STEAP3: variants seen among roughly 807,000 people sequenced by gnomAD.
The protein encoded by STEAP3 is STEAP3 metalloreductase.
STEAP3 carries 35 observed loss-of-function variants against 34.9 expected under a neutral mutation model. That is an observed-to-expected ratio of 1.00 (90% CI 0.76 to 1.33). The LOEUF is 1.33. Among genes scored for constraint, STEAP3 ranks in the 40% most tolerant of loss-of-function variants. The pLI, the probability that STEAP3 is intolerant of heterozygous loss-of-function variation, is 0.00. For synonymous variants in STEAP3, 281 were observed against 301.6 expected, an observed-to-expected ratio of 0.93 and a Z score of 0.71; for missense variants, 652 against 667.6, an observed-to-expected ratio of 0.98 and a Z score of 0.26.
intron 4 of STEAP3, 41 bp from the exon 5 acceptor site, chr2:119,254,643 C>A: frequency 4.3e-6 from 7 of 1,610,626 alleles, no homozygotes; most frequent in Non-Finnish European, 5.9e-6. Context: ...GGGCACCAGC[C>A]TTTGCCACAG....
chr2:119,264,809 C>T lies in STEAP3; in HGVS notation c.*1471C>T, dbSNP rs6753006. On this transcript the variant is annotated 3_prime_UTR_variant, in exon 6 of 6. Coordinates refer to ENST00000393110, the MANE Select transcript of STEAP3 (RefSeq NM_182915.3). ...CACAGATGAGGCTGCCCCTGCCCCC[C>T]CCCCGCCAGGGAGGTTTCATGAGCT... The T allele has an allele frequency of 0.42, 54,357 of 128,982 alleles. 10,755 individuals carry two copies. Among genetic ancestry groups the T allele is most frequent in the East Asian group, 0.59 (1,804 of 3,044 alleles). The allele number at this position is 128,982 out of a possible 1,614,324, so 8.0% of individuals were successfully genotyped here. A position where few individuals can be genotyped will look rare whatever the true frequency, so the allele number is the denominator to read the frequency against.
chr2:119,234,267 C>A (rs918605285), intron 2 of STEAP3, among the ~76,000 whole-genome samples: 6 of 152,324 alleles, frequency 3.9e-5, no homozygotes, highest in Middle Eastern at 3.4e-3. Flanking sequence ...GGGGTGGGGG[C>A]AGCCACAGCC....
chr2:119,245,826 C>T lies in STEAP3; in HGVS notation c.360C>T (p.Ile120=), dbSNP rs756536421. The part of the protein sequence containing the change: ...CSLSDQLAGK[I]LVDVSNPTEQ... ...TCAGTGACCAGCTGGCGGGCAAGAT[C>T]CTGGTGGATGTGAGCAACCCTACAG... The change falls in exon 3 of 6, where the codon ATC becomes ATT. Residue 120 remains isoleucine, a synonymous_variant. Coordinates refer to ENST00000393110, the MANE Select transcript of STEAP3 (RefSeq NM_182915.3). 1 of 1,614,170 alleles carries T rather than the reference C, an allele frequency of 6.2e-7. No homozygotes were observed.
At chr2:119,243,110 C>G (rs1677299872) in intron 2 of STEAP3, among the ~76,000 whole-genome samples, 1 of 152,198 alleles carries the variant, frequency 6.6e-6, no homozygotes, top group Non-Finnish European at 1.5e-5. Flanking sequence ...AAGCATGATC[C>G]CCACAAAAGC....
chr2:119,264,286 T>G lies in STEAP3; in HGVS notation c.*948T>G, dbSNP rs1465090065. On this transcript the variant is annotated 3_prime_UTR_variant, in exon 6 of 6. Coordinates refer to ENST00000393110, the MANE Select transcript of STEAP3 (RefSeq NM_182915.3). ...GAGCAAGAGAAAACACTCTAGGGAG[T>G]AAAGCTCCCCGGGCGTCAGAGTTGA... is the stretch of plus-strand genomic sequence containing the variant. 2 of 152,146 alleles carry G rather than the reference T, an allele frequency of 1.3e-5. No homozygotes were observed. Among genetic ancestry groups the G allele is most frequent in the African/African-American group, 4.8e-5 (2 of 41,246 alleles). 9.4% of individuals were successfully genotyped at this position (152,146 alleles called of 1,614,324 possible).
At chr2:119,249,269 AC>A (rs149601953) in intron 4 of STEAP3, among the ~76,000 whole-genome samples, 7,777 of 152,166 alleles carry the variant, frequency 0.051, 290 homozygotes, top group Non-Finnish European at 0.081. Context: ...TTCAGGCCAC[AC>A]CAGGTGGGGA....
chr2:119,249,630 C>A (rs1573567339), intron 4 of STEAP3, among the ~76,000 whole-genome samples: 1 of 152,128 alleles, frequency 6.6e-6, no homozygotes, highest in Non-Finnish European at 1.5e-5. Flanking sequence ...TAGCACAGGG[C>A]CATCCCCTCC....
chr2:119,260,215 C>T (rs1322744286), intron 5 of STEAP3, among the ~76,000 whole-genome samples: 1 of 152,104 alleles, frequency 6.6e-6, no homozygotes, highest in Non-Finnish European at 1.5e-5. Flanking sequence ...ACCAATAAGT[C>T]CACAATGAGG....
chr2:119,244,779 T>C (rs1364386741), intron 2 of STEAP3: 1 of 152,198 alleles, frequency 6.6e-6, no homozygotes, highest in South Asian at 2.1e-4. Flanking sequence ...ACTCATATCT[T>C]GGGCTCAGCA....
At chr2:119,232,395 G>A (rs1676969644) in intron 2 of STEAP3, among the ~76,000 whole-genome samples, 1 of 152,190 alleles carries the variant, frequency 6.6e-6, no homozygotes, top group African/African-American at 2.4e-5. Flanking sequence ...CACATCCACA[G>A]GCACGATCCC....
intron 4 of STEAP3, among the ~76,000 whole-genome samples, chr2:119,254,285 A>G (rs1394270339): frequency 6.6e-6 from 1 of 151,902 alleles, no homozygotes; most frequent in Non-Finnish European, 1.5e-5. Context: ...TAAGGGCTGT[A>G]TTTCTGGTTG....
chr2:119,228,734 T>C (rs1277514401), intron 1 of STEAP3, among the ~76,000 whole-genome samples: 1 of 152,072 alleles, frequency 6.6e-6, no homozygotes, highest in Admixed American at 6.5e-5. Flanking sequence ...TGGTGTGAGT[T>C]CCATTGGGGC....
At position 119,248,016 on chromosome 2, in the gene STEAP3, C is replaced by A. The variant is rs140581945; in HGVS notation, c.860C>A (p.Ala287Glu). The A allele has an allele frequency of 1.9e-6, 3 of 1,610,650 alleles. No homozygotes were observed. The highest frequency in any genetic ancestry group is 2.5e-6 in the Non-Finnish European group (3 of 1,179,868). The part of the protein sequence containing the change: ...LSLVYLPGVL[A>E]AALQLRRGTK... Reference sequence around the variant, plus strand: ...CTCGTGTACTTGCCCGGCGTGCTGGCGGCTGCCCTGCAGCTGCGGCGCGGC... The same window carrying A: ...CTCGTGTACTTGCCCGGCGTGCTGGAGGCTGCCCTGCAGCTGCGGCGCGGC... Residue 287 changes from alanine to glutamate, a missense_variant, in exon 4 of 6, where the codon GCG (alanine) becomes GAG (glutamate). Ala to Glu is a moderately radical substitution (Grantham distance 107). Transcript: ENST00000393110.
In STEAP3 at chr2:119,225,147, A is replaced by G. The variant is rs1368075523; in HGVS notation, c.-394+1259A>G. Among the ~76,000 whole-genome samples the G allele has an allele frequency of 2.0e-5, 3 of 152,160 alleles. 1 individual carries two copies. The highest frequency in any genetic ancestry group is 4.4e-5 in the Non-Finnish European group (3 of 68,028). ...CCTGCAAGGCTTGTTAAAAATATAG[A>G]TCCCCAAGTCCCATCCGAAGCTGAC... is the stretch of plus-strand genomic sequence containing the variant. On this transcript the variant is annotated intron_variant, in intron 1 of 5. Coordinates refer to ENST00000393110, the MANE Select transcript of STEAP3 (RefSeq NM_182915.3).
At chr2:119,230,125 G>C (rs1460679900) in intron 1 of STEAP3, among the ~76,000 whole-genome samples, 2 of 152,192 alleles carry the variant, frequency 1.3e-5, no homozygotes, top group African/African-American at 4.8e-5. Flanking sequence ...AAGATCGCTA[G>C]GTTCCAAACA....
chr2:119,247,326 A>T (rs1012695385), intron 3 of STEAP3, among the ~76,000 whole-genome samples: 6 of 152,232 alleles, frequency 3.9e-5, no homozygotes, highest in African/African-American at 1.4e-4. Context: ...AGGGCAGGCC[A>T]CGGCCTTGGA....
At chr2:119,243,139 C>T (rs778772451) in intron 2 of STEAP3, among the ~76,000 whole-genome samples, 7 of 152,216 alleles carry the variant, frequency 4.6e-5, no homozygotes, top group Non-Finnish European at 7.3e-5. Context: ...AGAGTCTCAG[C>T]TCAGCCAATC....
At chr2:119,227,758 C>T (rs1679086195) in intron 1 of STEAP3, among the ~76,000 whole-genome samples, 1 of 152,164 alleles carries the variant, frequency 6.6e-6, no homozygotes, top group African/African-American at 2.4e-5. Flanking sequence ...GACAGCAGGG[C>T]TCCCAAAGCC....
At position 119,263,895 on chromosome 2, in the gene STEAP3, C is replaced by G; in HGVS notation, c.*557C>G. On this transcript the variant is annotated 3_prime_UTR_variant, in exon 6 of 6. Coordinates refer to ENST00000393110, the MANE Select transcript of STEAP3 (RefSeq NM_182915.3). ...TCCACCTGGGGCAGCAGCAGGAGGC[C>G]TGGGGAGGAGGAAAATCAGGCAGTC... 1 of 179,586 alleles carries G rather than the reference C, an allele frequency of 5.6e-6. No individual in the cohort carries two copies. The highest frequency in any genetic ancestry group is 1.2e-4 in the South Asian group (1 of 8,614). 11.1% of individuals were successfully genotyped at this position (179,586 alleles called of 1,614,324 possible).
Sources: allele counts gnomAD v4.1 joint callset (sites outside exome capture counted in the v4.1 genomes callset), GRCh38; gene constraint gnomAD v4.1.1; transcripts MANE v1.5; gene names NCBI Gene and HGNC (gene_info 2026-07-23, HGNC 2026-07-21).